The following TMPRSS4 variants were observed in gnomAD, a reference collection of about 807,000 sequenced individuals.
The protein encoded by TMPRSS4 is transmembrane serine protease 4.
A neutral mutation model predicts 56.4 loss-of-function variants in TMPRSS4; 45 were observed. The ratio of observed to expected loss-of-function variants is 0.80; its 90% CI spans 0.63 to 1.02. The LOEUF is 1.02. TMPRSS4 is among the 50% of genes least tolerant of loss of function. TMPRSS4 has a pLI of 0.00. For missense variants in TMPRSS4, 546 were observed against 556.7 expected (o/e 0.98, Z 0.19); for synonymous variants, 205 against 211.0 (o/e 0.97, Z 0.25).
rs369196391 is a variant in TMPRSS4 at position 118,115,223 on chromosome 11, A to G, written c.1095A>G (p.Glu365=). 4.9e-5 allele frequency: 79 copies of G among 1,612,812 alleles called. No homozygotes were observed. The highest frequency in any genetic ancestry group is 4.2e-5 in the Non-Finnish European group (49 of 1,179,886). ...RCNADDAYQG[E]VTEKMMCAGI... is the part of the protein sequence containing the mutation. Reference sequence around the variant, plus strand: ...ATGCAGACGATGCGTACCAGGGGGAAGTCACCGAGAAGATGATGTGTGCAG... The same window carrying G: ...ATGCAGACGATGCGTACCAGGGGGAGGTCACCGAGAAGATGATGTGTGCAG... The change falls in exon 11 of 13, where the codon GAA becomes GAG. Residue 365 remains glutamate, a synonymous_variant. Coordinates refer to ENST00000437212, the MANE Select transcript of TMPRSS4 (RefSeq NM_019894.4).
In TMPRSS4 at chr11:118,120,654, A is replaced by C. The variant is rs899862998; in HGVS notation, c.*2741A>C. 6.6e-6 allele frequency: 1 copy of C among 152,242 alleles called. No homozygotes were observed. The highest frequency in any genetic ancestry group is 1.5e-5 in the Non-Finnish European group (1 of 68,054). 9.4% of individuals were successfully genotyped at this position (152,242 alleles called of 1,614,324 possible). On this transcript the variant is annotated 3_prime_UTR_variant, in exon 13 of 13. Coordinates refer to ENST00000437212, the MANE Select transcript of TMPRSS4 (RefSeq NM_019894.4). Reference sequence around the variant, plus strand: ...TAAGAGAGAACAAATGAACTGGAAGATAAATTGAAGAAGTGACTAGGCTTA... The same window carrying C: ...TAAGAGAGAACAAATGAACTGGAAGCTAAATTGAAGAAGTGACTAGGCTTA...
chr11:118,101,500 A>G (rs1946724719), intron 3 of TMPRSS4, among the ~76,000 whole-genome samples: 2 of 152,002 alleles, frequency 1.3e-5, no homozygotes, highest in African/African-American at 4.8e-5. Flanking sequence ...GTTTGAGACA[A>G]GGTCTTGCTC....
intron 1 of TMPRSS4, 39 bp from the exon 2 acceptor site, chr11:118,094,777 A>C (rs1946193244): frequency 6.3e-7 from 1 of 1,596,656 alleles, no homozygotes; most frequent in Non-Finnish European, 8.5e-7. Flanking sequence ...CCAGCCTGAG[A>C]GGCTCCCTGC....
chr11:118,102,648 A>G (rs1028794636), intron 3 of TMPRSS4, among the ~76,000 whole-genome samples: 68 of 152,170 alleles, frequency 4.5e-4, no homozygotes, highest in African/African-American at 1.5e-3. Context: ...GGCAGAGGCT[A>G]CAGTGAGCCA....
At chr11:118,122,498 A>C (rs984252089), downstream of TMPRSS4, among the ~76,000 whole-genome samples, 1 of 152,256 alleles carries the variant, frequency 6.6e-6, no homozygotes, top group Non-Finnish European at 1.5e-5. Flanking sequence ...ATAAGTGAAA[A>C]CTTGCAAACA....
chr11:118,118,305 G>T lies in TMPRSS4; in HGVS notation c.*392G>T. The T allele has an allele frequency of 9.2e-7, 1 of 1,090,242 alleles. No homozygotes were observed. The highest frequency in any genetic ancestry group is 3.8e-5 in the South Asian group (1 of 26,334). The allele number at this position is 1,090,242 out of a possible 1,614,324, so 67.5% of individuals were successfully genotyped here. ...GAAAGGGTCTGCGCCAGCCCTGTCCGTCTTCACCCATCCCCAAGCCTACTA... is the reference window on the plus strand; with the variant it reads ...GAAAGGGTCTGCGCCAGCCCTGTCCTTCTTCACCCATCCCCAAGCCTACTA... On this transcript the variant is annotated 3_prime_UTR_variant, in exon 13 of 13. Coordinates refer to ENST00000437212, the MANE Select transcript of TMPRSS4 (RefSeq NM_019894.4).
chr11:118,111,617 C>A (rs1367563210), intron 7 of TMPRSS4, 124 bp from the exon 8 acceptor site: 1 of 686,952 alleles, frequency 1.5e-6, no homozygotes, highest in South Asian at 2.4e-5. Flanking sequence ...TGGGCTGGTC[C>A]TCTCTCCACT....
intron 1 of TMPRSS4, 131 bp from the exon 2 acceptor site, chr11:118,094,685 G>A: frequency 1.3e-6 from 1 of 748,848 alleles, no homozygotes; most frequent in Non-Finnish European, 2.3e-6. Flanking sequence ...CCAGGTATTT[G>A]GATAACACAG....
chr11:118,102,822 A>T, intron 3 of TMPRSS4: 1 of 407,378 alleles, frequency 2.5e-6, no homozygotes, highest in Non-Finnish European at 4.5e-6. Context: ...CGAGCACTGG[A>T]GGGTAAGAGG....
rs1185980032 is a variant in TMPRSS4 at position 118,107,823 on chromosome 11, G to A, written c.490G>A (p.Val164Ile). 6 of 1,614,186 alleles carry A rather than the reference G, an allele frequency of 3.7e-6. No homozygotes were observed. Among genetic ancestry groups the A allele is most frequent in the Non-Finnish European group, 5.1e-6 (6 of 1,180,034 alleles). ...VEIGPDQDLD[V>I]VEITENSQEL... is the part of the protein sequence containing the mutation. ...GATTGGCCCAGACCAGGATCTGGAT[G>A]TTGTTGAAATCACAGAAAACAGCCA... The change falls in exon 6 of 13, where the codon GTT (valine) becomes ATT (isoleucine). Residue 164 changes from valine (V) to isoleucine (I), a missense_variant. Coordinates refer to ENST00000437212, the MANE Select transcript of TMPRSS4 (RefSeq NM_019894.4).
intron 1 of TMPRSS4, among the ~76,000 whole-genome samples, chr11:118,085,188 AAGTTGTTCTAC>A (rs1945447708): frequency 6.6e-6 from 1 of 151,600 alleles, no homozygotes; most frequent in South Asian, 2.1e-4. Flanking sequence ...ACTTGCTCAA[AAGTTGTTCTAC>A]AGATGGAGGA....
intron 2 of TMPRSS4, among the ~76,000 whole-genome samples, chr11:118,096,011 G>A (rs1946267839): frequency 6.6e-6 from 1 of 152,148 alleles, no homozygotes. Context: ...GTCTGGTCTT[G>A]GACACAGGAA....
chr11:118,077,919 A>G (rs1416558104), intron 1 of TMPRSS4, among the ~76,000 whole-genome samples: 1 of 147,040 alleles, frequency 6.8e-6, no homozygotes, highest in East Asian at 2.2e-4. Context: ...AGGCTGAGGC[A>G]GGAGAATCGC....
intron 2 of TMPRSS4, among the ~76,000 whole-genome samples, chr11:118,098,527 C>A (rs1591378797): frequency 6.6e-6 from 1 of 152,370 alleles, no homozygotes; most frequent in South Asian, 2.1e-4. Flanking sequence ...TATTAAGCCT[C>A]TACTAAGCAC....
At chr11:118,122,230 G>T (rs770221695), downstream of TMPRSS4, among the ~76,000 whole-genome samples, 4 of 152,168 alleles carry the variant, frequency 2.6e-5, no homozygotes, top group African/African-American at 4.8e-5. Flanking sequence ...AATATACAGA[G>T]ATAGGCAAAT....
chr11:118,085,119 G>A (rs1945442729), intron 1 of TMPRSS4, among the ~76,000 whole-genome samples: 1 of 152,188 alleles, frequency 6.6e-6, no homozygotes, highest in Admixed American at 6.5e-5. Context: ...ATCTTGTGAA[G>A]TCGCTTTTAT....
Position 118,120,445 on chromosome 11 carries a change from G to A in TMPRSS4, c.*2532G>A, listed in dbSNP as rs1231971439. The A allele has an allele frequency of 2.0e-5, 3 of 152,132 alleles. No homozygotes were observed. The highest frequency in any genetic ancestry group is 4.4e-5 in the Non-Finnish European group (3 of 68,038). 9.4% of individuals were successfully genotyped at this position (152,132 alleles called of 1,614,324 possible). A position where few individuals can be genotyped will look rare whatever the true frequency, so the allele number is the denominator to read the frequency against. ...ACATTCCCATCAACAGTTTGCAGGA[G>A]TTACTATTTCTCCATATCCCCCCTA... On this transcript the variant is annotated 3_prime_UTR_variant, in exon 13 of 13. Coordinates refer to ENST00000437212, the MANE Select transcript of TMPRSS4 (RefSeq NM_019894.4).
chr11:118,121,090 A>G lies in TMPRSS4; in HGVS notation c.*3177A>G, dbSNP rs7928275. 70,901 of 152,012 alleles carry G rather than the reference A, an allele frequency of 0.47. 17,247 individuals are homozygous for G. Among genetic ancestry groups the G allele is most frequent in the Non-Finnish European group, 0.55 (37,362 of 67,950 alleles). The allele number at this position is 152,012 out of a possible 1,614,324, so 9.4% of individuals were successfully genotyped here. On this transcript the variant is annotated 3_prime_UTR_variant, in exon 13 of 13. Transcript: ENST00000437212. ...AAAGGAGCTAGAAGTCAGTGGAAGTATATCTCCAGCATGCCAAAAGATAAC... is the reference window on the plus strand; with the variant it reads ...AAAGGAGCTAGAAGTCAGTGGAAGTGTATCTCCAGCATGCCAAAAGATAAC...
At chr11:118,086,729 C>G (rs538187634) in intron 1 of TMPRSS4, 5 of 153,164 alleles carry the variant, frequency 3.3e-5, no homozygotes, top group African/African-American at 4.8e-5. Flanking sequence ...GATCTTCCAG[C>G]CCTCAGTGAC....
Sources: allele counts gnomAD v4.1 joint callset (sites outside exome capture counted in the v4.1 genomes callset), GRCh38; gene constraint gnomAD v4.1.1; transcripts MANE v1.5; gene names NCBI Gene and HGNC (gene_info 2026-07-23, HGNC 2026-07-21).